Variants in RGS6 observed in about 807,000 individuals in gnomAD.
RGS6 encodes the protein regulator of G-protein signaling 6.
RGS6 carries 30 observed loss-of-function variants against 78.5 expected under a neutral mutation model. The ratio of observed to expected loss-of-function variants is 0.38; its 90% confidence interval spans 0.29 to 0.52. RGS6 has a LOEUF of 0.52. Among genes scored for constraint, RGS6 ranks in the 20% least tolerant of loss-of-function variants. RGS6 has a pLI of 0.85. For missense variants in RGS6, 495 were observed against 609.7 expected (o/e 0.81, Z 1.98); for synonymous variants, 206 against 206.0 (o/e 1.00, Z 0.00).
Position 72,540,022 on chromosome 14 carries a change from T to C in RGS6, c.1369-19T>C, listed in dbSNP as rs182412577. ...TTTTTCTGTATTTTTCTCCCTACCCTTTTTTTTTTTTCCTAAAGCCAGAAA... is the reference window on the plus strand; with the variant it reads ...TTTTTCTGTATTTTTCTCCCTACCCCTTTTTTTTTTTCCTAAAGCCAGAAA... On this transcript the variant is annotated intron_variant, in intron 16 of 17. Coordinates refer to ENST00000553525, the MANE Select transcript of RGS6 (RefSeq NM_001204424.2). 6.1e-5 allele frequency: 38 copies of C among 624,258 alleles called. No individual in the cohort carries two copies. Among genetic ancestry groups the C allele is most frequent in the Admixed American group, 5.5e-4 (13 of 23,542 alleles). The allele number at this position is 624,258 out of a possible 1,614,324, so 38.7% of individuals were successfully genotyped here.
chr14:71,970,556 T>C (rs1367718520), intron 2 of RGS6, among the ~76,000 whole-genome samples: 2 of 152,096 alleles, frequency 1.3e-5, no homozygotes, highest in Non-Finnish European at 2.9e-5. Flanking sequence ...AAGCTAGGGA[T>C]AGAGTGTGGT....
intron 2 of RGS6, among the ~76,000 whole-genome samples, chr14:72,242,848 T>C (rs1352079800): frequency 9.0e-5 from 12 of 132,836 alleles, no homozygotes; most frequent in African/African-American, 1.1e-4. Flanking sequence ...TCTTTTTTTT[T>C]TTTTTTTTTT....
At chr14:71,987,312 G>A (rs1025626873) in intron 2 of RGS6, among the ~76,000 whole-genome samples, 1 of 152,122 alleles carries the variant, frequency 6.6e-6, no homozygotes, top group Admixed American at 6.5e-5. Context: ...GAAAAGAGGA[G>A]AGTTTCAGAG....
At chr14:72,620,080 G>C in the RGS6 span, 1 of 1,283,572 alleles carries the variant, frequency 7.8e-7, no homozygotes, top group Non-Finnish European at 1.0e-6. Flanking sequence ...TTTCCACGTC[G>C]GTCTCACTGG....
intron 2 of RGS6, among the ~76,000 whole-genome samples, chr14:71,985,616 G>T (rs2094677784): frequency 6.6e-6 from 1 of 152,284 alleles, no homozygotes; most frequent in East Asian, 1.9e-4. Flanking sequence ...GCTTCTCTGG[G>T]TTGTTGTAAA....
chr14:72,197,009 A>G (rs1599296597), intron 2 of RGS6, among the ~76,000 whole-genome samples: 1 of 152,356 alleles, frequency 6.6e-6, no homozygotes, highest in East Asian at 1.9e-4. Flanking sequence ...TTGGTTAAAT[A>G]GAAGAAATGT....
At chr14:72,392,747 A>G (rs1197826179) in intron 3 of RGS6, among the ~76,000 whole-genome samples, 5 of 152,114 alleles carry the variant, frequency 3.3e-5, no homozygotes, top group Admixed American at 2.0e-4. Context: ...CAAGCCACCC[A>G]GTCTACAATG....
intron 2 of RGS6, among the ~76,000 whole-genome samples, chr14:72,192,364 A>G (rs915587533): frequency 2.6e-5 from 4 of 152,194 alleles, no homozygotes; most frequent in Non-Finnish European, 5.9e-5. Context: ...AGATGGTACA[A>G]AGAAAAAAGA....
At chr14:72,453,360 A>C (rs888570049) in intron 3 of RGS6, among the ~76,000 whole-genome samples, 1 of 152,072 alleles carries the variant, frequency 6.6e-6, no homozygotes, top group East Asian at 1.9e-4. Context: ...TCATGCCTGT[A>C]ATCCCAGCAC....
At chr14:72,375,253 T>C (rs1452394052) in intron 3 of RGS6, among the ~76,000 whole-genome samples, 1 of 152,168 alleles carries the variant, frequency 6.6e-6, no homozygotes, top group Middle Eastern at 3.2e-3. Flanking sequence ...TTTTTCTGAG[T>C]GGATTAAAAG....
chr14:72,445,753 A>G (rs1259300283), intron 3 of RGS6, among the ~76,000 whole-genome samples: 1 of 152,188 alleles, frequency 6.6e-6, no homozygotes, highest in Non-Finnish European at 1.5e-5. Context: ...CATGCCAGGG[A>G]CAGAACTAAC....
intron 2 of RGS6, among the ~76,000 whole-genome samples, chr14:72,312,214 G>A (rs1174231298): frequency 7.4e-6 from 1 of 135,886 alleles, no homozygotes; most frequent in Admixed American, 7.9e-5. Context: ...GCTTACATTG[G>A]CTGAGAAATT....
rs545738634 is a variant in RGS6, at chr14:71,976,264, T to G, written c.84+11389T>G. On this transcript the variant is annotated intron_variant, in intron 2 of 17. Transcript: ENST00000553525. The stretch of plus-strand genomic sequence containing the variant: ...CTGTTTATTTATTTTATTTTTTATT[T>G]TTTTTAATTATTATACTTTAAGTTT... Among the ~76,000 whole-genome samples the G allele has an allele frequency of 5.3e-5, 8 of 151,646 alleles. No homozygotes were observed. The South Asian group carries it at 1.7e-3, about 31-fold the overall frequency.
At chr14:72,445,181 CTGTTTTGTTT>C (rs891013761) in intron 3 of RGS6, among the ~76,000 whole-genome samples, 3 of 152,302 alleles carry the variant, frequency 2.0e-5, no homozygotes, top group African/African-American at 4.8e-5. Flanking sequence ...TGAGATTTCT[CTGTTTTGTTT>C]TGTTTTGTTT....
chr14:72,247,192 T>C (rs925754632), intron 2 of RGS6, among the ~76,000 whole-genome samples: 3 of 152,350 alleles, frequency 2.0e-5, no homozygotes, highest in African/African-American at 7.2e-5. Flanking sequence ...ATGTAGCAAG[T>C]GATGGTATGC....
At chr14:72,168,145 G>A (rs2096954815) in intron 2 of RGS6, among the ~76,000 whole-genome samples, 1 of 152,162 alleles carries the variant, frequency 6.6e-6, no homozygotes, top group African/African-American at 2.4e-5. Flanking sequence ...GGGGTCAGGA[G>A]AGCTATCTCC....
chr14:72,253,912 A>G (rs1026419311), intron 2 of RGS6, among the ~76,000 whole-genome samples: 2 of 152,204 alleles, frequency 1.3e-5, no homozygotes, highest in Non-Finnish European at 2.9e-5. Context: ...TCTATCTGGC[A>G]TTACGTTTCG....
the RGS6 span, among the ~76,000 whole-genome samples, chr14:72,582,143 G>A: frequency 6.6e-6 from 1 of 152,308 alleles, no homozygotes; most frequent in East Asian, 1.9e-4. Context: ...CATTCATGAA[G>A]GATCTGCCCC....
intron 2 of RGS6, among the ~76,000 whole-genome samples, chr14:71,999,188 T>C (rs2082919007): frequency 6.6e-6 from 1 of 152,220 alleles, no homozygotes; most frequent in Non-Finnish European, 1.5e-5. Flanking sequence ...GGTTCTTTTT[T>C]ACAGATGAGG....
Sources: allele counts gnomAD v4.1 joint callset (sites outside exome capture counted in the v4.1 genomes callset), GRCh38; gene constraint gnomAD v4.1.1; transcripts MANE v1.5; gene names NCBI Gene and HGNC (gene_info 2026-07-23, HGNC 2026-07-21).